Variants in NR5A2 observed in about 807,000 individuals in gnomAD.
NR5A2 encodes the protein CYP7A promoter-binding factor.
A neutral mutation model predicts 62.7 loss-of-function variants in NR5A2; 26 were observed. The observed-to-expected ratio is 0.41, with a 90% CI of 0.30 to 0.58. The LOEUF (loss-of-function observed/expected upper bound fraction) is 0.58. NR5A2 is among the 20% of genes least tolerant of loss of function. The pLI is 0.22. For missense variants in NR5A2, 541 were observed against 669.1 expected (o/e 0.81, Z 2.11); for synonymous variants, 246 against 241.7 (o/e 1.02, Z -0.16).
At chr1:200,077,523 G>A (rs2102228919) in intron 5 of NR5A2, among the ~76,000 whole-genome samples, 1 of 152,310 alleles carries the variant, frequency 6.6e-6, no homozygotes, top group Non-Finnish European at 1.5e-5. Context: ...AGACCAGCCT[G>A]GCCAACATAG....
intron 1 of NR5A2, chr1:200,038,832 G>T (rs956323670): frequency 1.7e-6 from 2 of 1,149,022 alleles, no homozygotes; most frequent in African/African-American, 3.2e-5. Context: ...GGGAGGGGGT[G>T]AGGCGGGGTG....
intron 5 of NR5A2, among the ~76,000 whole-genome samples, chr1:200,096,543 A>G (rs1665111504): frequency 6.6e-6 from 1 of 152,164 alleles, no homozygotes; most frequent in Non-Finnish European, 1.5e-5. Flanking sequence ...GGTCAGTTCA[A>G]TTAAAAAATT....
At chr1:200,034,549 C>G (rs1168072138) in intron 1 of NR5A2, among the ~76,000 whole-genome samples, 3 of 144,162 alleles carry the variant, frequency 2.1e-5, no homozygotes, top group Non-Finnish European at 4.5e-5. Flanking sequence ...CCAGGCCAAA[C>G]TCTCCAAAAA....
At chr1:200,096,835 C>T (rs912170126) in intron 5 of NR5A2, among the ~76,000 whole-genome samples, 2 of 152,156 alleles carry the variant, frequency 1.3e-5, no homozygotes, top group African/African-American at 4.8e-5. Flanking sequence ...TAGTAACATG[C>T]TGTACAGGTT....
At chr1:200,133,610 TAC>T (rs35303405) in intron 7 of NR5A2, among the ~76,000 whole-genome samples, 75,942 of 143,118 alleles carry the variant, frequency 0.53, 20,238 homozygotes, top group Middle Eastern at 0.63. Flanking sequence ...TACACATATA[TAC>T]ACACACACAC....
At position 200,073,268 on chromosome 1, in the gene NR5A2, T is replaced by TTATATATATATATATATATA. The variant is rs371537456; in HGVS notation, c.1110+24454_1110+24473dup. On this transcript the variant is annotated intron_variant, in intron 5 of 7. Coordinates refer to ENST00000367362, the MANE Select transcript of NR5A2 (RefSeq NM_205860.3). ...TATATATATATATATATATTCCCCT[T>TTATATATATATATATATATA]TATATATATATATATATATATATTC... 9.0e-5 allele frequency among the ~76,000 whole-genome samples: 10 copies of TTATATATATATATATATATA among 111,208 alleles called. 1 individual carries two copies. Among genetic ancestry groups the TTATATATATATATATATATA allele is most frequent in the African/African-American group, 3.6e-4 (10 of 28,052 alleles). The allele number at this position is 111,208 out of a possible 152,430, so 73.0% of individuals were successfully genotyped here. A position where few individuals can be genotyped will look rare whatever the true frequency, so the allele number is the denominator to read the frequency against.
intron 1 of NR5A2, chr1:200,029,176 G>A (rs60535681): frequency 0.097 from 38,119 of 393,388 alleles, 3,203 homozygotes; most frequent in African/African-American, 0.31. Context: ...CGCGTCCGGG[G>A]CCGCAGCTAG....
chr1:200,159,341 TCATTCA>T (rs1302198662), intron 7 of NR5A2, among the ~76,000 whole-genome samples: 1 of 152,176 alleles, frequency 6.6e-6, no homozygotes, highest in Admixed American at 6.5e-5. Context: ...ATGTTTCCCT[TCATTCA>T]CATCTAATCC....
At chr1:200,127,765 A>T (rs1312706327) in intron 7 of NR5A2, among the ~76,000 whole-genome samples, 1 of 137,508 alleles carries the variant, frequency 7.3e-6, no homozygotes, top group Non-Finnish European at 1.6e-5. Context: ...ACATATACAG[A>T]GGGCTGACTT....
At chr1:200,092,713 A>C (rs1664874235) in intron 5 of NR5A2, among the ~76,000 whole-genome samples, 1 of 151,022 alleles carries the variant, frequency 6.6e-6, no homozygotes, top group Admixed American at 6.6e-5. Context: ...GAAAAAAAAA[A>C]GGTTTTAAAA....
At position 200,027,797 on chromosome 1, in the gene NR5A2, G is replaced by T; in HGVS notation, c.-51G>T. On this transcript the variant is annotated 5_prime_UTR_variant, in exon 1 of 8. Coordinates refer to ENST00000367362, the MANE Select transcript of NR5A2 (RefSeq NM_205860.3). ...ATTTGACAAGCTGCACTTTTCTTTT[G>T]CTCAATGATTTCTGCTTTAAGCCAA... 1 of 1,395,956 alleles carries T rather than the reference G, an allele frequency of 7.2e-7. No individual in the cohort carries two copies. Among genetic ancestry groups the T allele is most frequent in the East Asian group, 2.4e-5 (1 of 42,206 alleles). 86.5% of individuals were successfully genotyped at this position (1,395,956 alleles called of 1,614,324 possible).
At chr1:200,092,340 C>G (rs1473513617) in intron 5 of NR5A2, among the ~76,000 whole-genome samples, 1 of 152,088 alleles carries the variant, frequency 6.6e-6, no homozygotes. Context: ...TCTTTGAGGT[C>G]TGTCTGTAGT....
chr1:200,147,221 G>A lies in NR5A2; in HGVS notation c.1378+26266G>A, dbSNP rs1667744103. Among the ~76,000 whole-genome samples the A allele has an allele frequency of 6.6e-6, 1 of 152,212 alleles. No individual in the cohort carries two copies. The highest frequency in any genetic ancestry group is 6.5e-5 in the Admixed American group (1 of 15,286). On this transcript the variant is annotated intron_variant, in intron 7 of 7. Transcript: ENST00000367362. This position sits in a 1 kb window ranked among gnomAD's most constrained non-coding sequence, Gnocchi z 4.9. ...AAATAGAGGGGGGCACCTCGCTGAA[G>A]CCAGCGAGGCCGCTGCACCACGTGG...
chr1:200,150,706 T>C (rs1653042476), intron 7 of NR5A2, among the ~76,000 whole-genome samples: 1 of 152,174 alleles, frequency 6.6e-6, no homozygotes, highest in African/African-American at 2.4e-5. Flanking sequence ...TTAGAAGTCT[T>C]CACTATTGAT....
intron 7 of NR5A2, among the ~76,000 whole-genome samples, chr1:200,124,714 A>T (rs1666627820): frequency 6.6e-6 from 1 of 152,062 alleles, no homozygotes; most frequent in South Asian, 2.1e-4. Flanking sequence ...AAGGTGAGAG[A>T]ACTGATTGAG....
At chr1:200,149,377 C>T (rs939855883) in intron 7 of NR5A2, among the ~76,000 whole-genome samples, 2 of 152,216 alleles carry the variant, frequency 1.3e-5, no homozygotes, top group Non-Finnish European at 2.9e-5. Context: ...CGTGTATCTT[C>T]TGCACTGGCT....
intron 5 of NR5A2, among the ~76,000 whole-genome samples, chr1:200,086,697 T>A (rs1168320951): frequency 6.6e-6 from 1 of 152,182 alleles, no homozygotes; most frequent in Non-Finnish European, 1.5e-5. Context: ...GAGTAAAATC[T>A]CAACAAATGT....
intron 5 of NR5A2, among the ~76,000 whole-genome samples, chr1:200,059,641 G>A (rs1558112621): frequency 6.6e-6 from 1 of 152,036 alleles, no homozygotes; most frequent in East Asian, 1.9e-4. Context: ...ATACACACAT[G>A]CACACAAACA....
Position 200,045,467 on chromosome 1 carries a change from A to C in NR5A2, c.346A>C (p.Asn116His). ...CKGFFKRTVQ[N>H]NKRYTCIENQ... ...GGGATTTTTTAAGCGAACAGTCCAAAATAATAAAAGGTACACATGTATAGA... is the reference window on the plus strand; with the variant it reads ...GGGATTTTTTAAGCGAACAGTCCAACATAATAAAAGGTACACATGTATAGA... Residue 116 changes from asparagine (N) to histidine (H), a missense_variant, in exon 4 of 8, where the codon AAT (asparagine) becomes CAT (histidine). Around this residue, in one of 3 missense-constraint regions of NR5A2, gnomAD observed 54 missense variants for 123.8 expected, o/e 0.44. Coordinates refer to ENST00000367362, the MANE Select transcript of NR5A2 (RefSeq NM_205860.3). 1 of 1,610,272 alleles carries C rather than the reference A, an allele frequency of 6.2e-7. No individual in the cohort carries two copies. The highest frequency in any genetic ancestry group is 8.5e-7 in the Non-Finnish European group (1 of 1,178,400).
Sources: allele counts gnomAD v4.1 joint callset (sites outside exome capture counted in the v4.1 genomes callset), GRCh38; gene constraint gnomAD v4.1.1; regional missense constraint gnomAD v4.1.1; non-coding constraint Gnocchi (gnomAD v3.1); transcripts MANE v1.5; gene names NCBI Gene and HGNC (gene_info 2026-07-23, HGNC 2026-07-21).